The following SPTBN4 variants were observed in gnomAD, a reference collection of about 807,000 sequenced individuals.
SPTBN4 encodes the protein spectrin beta, non-erythrocytic 4.
SPTBN4 carries 96 observed loss-of-function variants against 277.8 expected under a neutral mutation model. That is an observed-to-expected ratio of 0.35 (90% CI 0.29 to 0.41). The LOEUF is 0.41. SPTBN4 is among the 10% of genes least tolerant of loss of function. SPTBN4 has a pLI of 1.00. For synonymous variants in SPTBN4, 1,481 were observed against 1,580.3 expected (o/e 0.94, Z 1.49); for missense variants, 3,006 against 3,595.7 (o/e 0.84, Z 4.19).
Position 40,519,456 on chromosome 19 carries a change from C to T in SPTBN4, c.2959C>T (p.Leu987=), listed in dbSNP as rs755558478. ...GCGCAAAGAGGAAATGAGCGCGGTG[C>T]TGCTGGTGGAGAACCACGTGCTGGA... The part of the protein sequence containing the change: ...EQRKEEMSAV[L]LVENHVLEVA... Residue 987 remains leucine, a synonymous_variant, in exon 16 of 36, where the codon CTG becomes TTG. Coordinates refer to ENST00000598249, the MANE Select transcript of SPTBN4 (RefSeq NM_020971.3). This position sits in a 1 kb window ranked among gnomAD's most constrained non-coding sequence, Gnocchi z 5.7. 14 of 1,606,452 alleles carry T rather than the reference C, an allele frequency of 8.7e-6. No individual in the cohort carries two copies. The South Asian group carries it at 1.4e-4, about 17-fold the overall frequency.
In SPTBN4 at chr19:40,472,791, G is replaced by A; in HGVS notation, c.169+1G>A. 6.7e-7 allele frequency: 1 copy of A among 1,494,490 alleles called. No homozygotes were observed. The highest frequency in any genetic ancestry group is 1.2e-5 in the South Asian group (1 of 85,062). 92.6% of individuals were successfully genotyped at this position (1,494,490 alleles called of 1,614,324 possible). A position where few individuals can be genotyped will look rare whatever the true frequency, so the allele number is the denominator to read the frequency against. On this transcript the variant is annotated splice_donor_variant, in intron 2 of 35. Coordinates refer to ENST00000598249, the MANE Select transcript of SPTBN4 (RefSeq NM_020971.3). LOFTEE classifies it high-confidence loss of function. ...TGCTCCCGGATCAAGGCCTTGGCAG[G>A]TACCTGGAGGAGGGCTGGGGTGGGA... is the stretch of plus-strand genomic sequence containing the variant.
At position 40,548,125 on chromosome 19, in the gene SPTBN4, C is replaced by T. The variant is rs556328570; in HGVS notation, c.4360-1064C>T. On this transcript the variant is annotated intron_variant, in intron 20 of 35. Coordinates refer to ENST00000598249, the MANE Select transcript of SPTBN4 (RefSeq NM_020971.3). ...CATGAATTTTCCTGTGTATTTGGGT[C>T]TGCTTTTGCACTTTCTGTCTATTCC... 8.4e-4 allele frequency among the ~76,000 whole-genome samples: 128 copies of T among 152,332 alleles called. 1 individual carries two copies. Among genetic ancestry groups the T allele is most frequent in the African/African-American group, 3.0e-3 (124 of 41,578 alleles).
At chr19:40,480,525 C>G (rs780682736) in intron 2 of SPTBN4, among the ~76,000 whole-genome samples, 2 of 152,202 alleles carry the variant, frequency 1.3e-5, no homozygotes, top group Non-Finnish European at 2.9e-5. Context: ...CTTCTAACAG[C>G]TCAGCTTCAT....
intron 7 of SPTBN4, among the ~76,000 whole-genome samples, chr19:40,499,912 G>A (rs1378761524): frequency 1.3e-5 from 2 of 151,732 alleles, no homozygotes; most frequent in African/African-American, 4.9e-5. Context: ...AAGAATAAAG[G>A]CCAGGTATAC....
rs2081160067 is a variant in SPTBN4, at chr19:40,572,009, G to A, written c.7320-10G>A. 1.3e-6 allele frequency: 2 copies of A among 1,531,856 alleles called. No homozygotes were observed. Among genetic ancestry groups the A allele is most frequent in the South Asian group, 2.5e-5 (2 of 79,430 alleles). The allele number at this position is 1,531,856 out of a possible 1,614,324, so 94.9% of individuals were successfully genotyped here. On this transcript the variant is annotated splice_polypyrimidine_tract_variant and intron_variant, in intron 33 of 35. Coordinates refer to ENST00000598249, the MANE Select transcript of SPTBN4 (RefSeq NM_020971.3). ...GCGGCTCTGCCTTGAGCCCCATCTTGTCGCTCCAGGTCGTGGGTGAGCCTG... is the reference window on the plus strand; with the variant it reads ...GCGGCTCTGCCTTGAGCCCCATCTTATCGCTCCAGGTCGTGGGTGAGCCTG...
chr19:40,551,715 C>A (rs1169023020), intron 22 of SPTBN4, among the ~76,000 whole-genome samples: 2 of 152,200 alleles, frequency 1.3e-5, no homozygotes, highest in African/African-American at 2.4e-5. Context: ...GGCATTGTGC[C>A]AGGTGTGGTG....
chr19:40,547,380 T>C (rs1482345911), intron 20 of SPTBN4, among the ~76,000 whole-genome samples: 2 of 152,112 alleles, frequency 1.3e-5, no homozygotes, highest in Non-Finnish European at 2.9e-5. Flanking sequence ...TATGGCTGCA[T>C]AGTATTCCAT....
chr19:40,494,569 C>A (rs1376379690), intron 5 of SPTBN4, among the ~76,000 whole-genome samples: 4 of 151,850 alleles, frequency 2.6e-5, no homozygotes, highest in Admixed American at 6.6e-5. Context: ...TATCTATCTT[C>A]TATCAATCTA....
At chr19:40,561,503 C>G (rs1476269490) in intron 27 of SPTBN4, among the ~76,000 whole-genome samples, 2 of 152,184 alleles carry the variant, frequency 1.3e-5, no homozygotes, top group Admixed American at 6.5e-5. Flanking sequence ...AGATTGCATT[C>G]TCATAGCACT....
chr19:40,549,407 C>G lies in SPTBN4; in HGVS notation c.4578C>G (p.Asp1526Glu), dbSNP rs1445425114. The change falls in exon 21 of 36, where the codon GAC becomes GAG. Residue 1526 changes from aspartate (D) to glutamate (E), a missense_variant. Coordinates refer to ENST00000598249, the MANE Select transcript of SPTBN4 (RefSeq NM_020971.3). The part of the protein sequence containing the change: ...ELHQVAHDLD[D>E]ELAWVQERLP... The stretch of plus-strand genomic sequence containing the variant: ...ACCAGGTGGCGCACGACCTGGACGA[C>G]GAGCTGGTGAGGCCAGCGCAGGGGC... 3.3e-6 allele frequency: 4 copies of G among 1,212,566 alleles called. No homozygotes were observed. The highest frequency in any genetic ancestry group is 7.0e-5 in the East Asian group (1 of 14,268). The allele number at this position is 1,212,566 out of a possible 1,614,324, so 75.1% of individuals were successfully genotyped here. A position where few individuals can be genotyped will look rare whatever the true frequency, so the allele number is the denominator to read the frequency against.
At chr19:40,562,361 C>T (rs2081051066) in intron 27 of SPTBN4, among the ~76,000 whole-genome samples, 1 of 151,948 alleles carries the variant, frequency 6.6e-6, no homozygotes. Context: ...GAAACCCCGC[C>T]TCTACTAAAA....
Position 40,487,880 on chromosome 19 carries a change from C to T in SPTBN4, c.321+32C>T. 4 of 1,561,842 alleles carry T rather than the reference C, an allele frequency of 2.6e-6. No individual in the cohort carries two copies. The Middle Eastern group carries it at 5.2e-4, about 203-fold the overall frequency. On this transcript the variant is annotated intron_variant, in intron 3 of 35. Transcript: ENST00000598249. ...GGGCCTGAAGGGCTGGGGCAGGGGT[C>T]CTCCCTGGGGTCTCAGGCTGGGGGT...
At position 40,506,366 on chromosome 19, in the gene SPTBN4, T is replaced by C. The variant is rs543343847; in HGVS notation, c.1796T>C (p.Leu599Pro). ...GTGGAGGCTCTCAATGCCGCTGCCC[T>C]GCGCTTCTCCCAGCTGCAGGGTGAG... ...ERVEALNAAA[L>P]RFSQLQGYQP... Residue 599 changes from leucine (L) to proline (P), a missense_variant, in exon 13 of 36, where the codon CTG becomes CCG. Coordinates refer to ENST00000598249, the MANE Select transcript of SPTBN4 (RefSeq NM_020971.3). The C allele has an allele frequency of 1.9e-6, 3 of 1,612,828 alleles. No individual in the cohort carries two copies. The highest frequency in any genetic ancestry group is 2.5e-6 in the Non-Finnish European group (3 of 1,179,136).
At chr19:40,509,798 G>T (rs933985816) in intron 13 of SPTBN4, among the ~76,000 whole-genome samples, 1 of 152,180 alleles carries the variant, frequency 6.6e-6, no homozygotes, top group Non-Finnish European at 1.5e-5. Flanking sequence ...TGATGGGGAA[G>T]TTTCTCACCC....
intron 5 of SPTBN4, 90 bp from the exon 6 acceptor site, chr19:40,494,807 C>T (rs2080177750): frequency 1.8e-6 from 2 of 1,116,434 alleles, no homozygotes; most frequent in South Asian, 2.8e-5. Context: ...ATCTTCCTTC[C>T]CTATCATTCG....
chr19:40,512,791 G>A lies in SPTBN4; in HGVS notation c.2002G>A (p.Glu668Lys). The A allele has an allele frequency of 1.4e-6, 2 of 1,472,192 alleles. No individual in the cohort carries two copies. Among genetic ancestry groups the A allele is most frequent in the Non-Finnish European group, 1.8e-6 (2 of 1,124,918 alleles). The allele number at this position is 1,472,192 out of a possible 1,614,324, so 91.2% of individuals were successfully genotyped here. Residue 668 changes from glutamate to lysine, a missense_variant, in exon 14 of 36, where the codon GAG (glutamate) becomes AAG (lysine). By Grantham distance (56) the Glu-to-Lys change is moderately conservative. Coordinates refer to ENST00000598249, the MANE Select transcript of SPTBN4 (RefSeq NM_020971.3). ...GGCGCGCGACAAGGAGCGTCTCCTG[G>A]AGGCTGCGGGCGGCGGCGGTGCGGC... ...SWARDKERLL[E>K]AAGGGGAAGA...
intron 28 of SPTBN4, 35 bp downstream of exon 28, chr19:40,565,596 C>T (rs751547537): frequency 6.9e-6 from 11 of 1,598,984 alleles, no homozygotes; most frequent in Non-Finnish European, 8.5e-6. Context: ...CTCTGCCACC[C>T]GGGCACATTG....
At chr19:40,529,285 AGT>A (rs1374128094) in intron 18 of SPTBN4, among the ~76,000 whole-genome samples, 154 bp downstream of exon 18, 12 of 152,302 alleles carry the variant, frequency 7.9e-5, no homozygotes, top group Admixed American at 4.6e-4. Context: ...GCCGGGTCTC[AGT>A]GCGCATGCTC....
At chr19:40,511,135 G>A (rs913044471) in intron 13 of SPTBN4, among the ~76,000 whole-genome samples, 1 of 152,156 alleles carries the variant, frequency 6.6e-6, no homozygotes, top group African/African-American at 2.4e-5. Flanking sequence ...GCTGGGCGCG[G>A]TGGCTCAGGC....
Sources: allele counts gnomAD v4.1 joint callset (sites outside exome capture counted in the v4.1 genomes callset), GRCh38; gene constraint gnomAD v4.1.1; non-coding constraint Gnocchi (gnomAD v3.1); transcripts MANE v1.5; gene names NCBI Gene and HGNC (gene_info 2026-07-23, HGNC 2026-07-21).